Variants in PHKA1 observed in about 807,000 individuals in gnomAD.
PHKA1 encodes the protein phosphorylase kinase regulatory subunit alpha 1, also known as phosphorylase b kinase regulatory subunit alpha, skeletal muscle isoform.
PHKA1 carries 60 observed loss-of-function variants against 110.2 expected under a neutral mutation model. That is an observed-to-expected ratio of 0.54 (90% CI 0.44 to 0.68). The LOEUF (loss-of-function observed/expected upper bound fraction) is 0.68, where lower values mean the gene tolerates loss of function less well. Ranked by LOEUF, PHKA1 falls within the 30% of genes least tolerant of loss-of-function variation. The probability of loss-of-function intolerance (pLI) is 0.00; values close to 1 mark genes in which losing one functional copy is unlikely to be tolerated. For synonymous variants in PHKA1, 316 were observed against 333.6 expected (o/e 0.95, Z 0.58); for missense variants, 801 against 942.5 (o/e 0.85, Z 1.97).
chrX:72,680,542 A>G (rs1258550617), intron 5 of PHKA1, among the ~76,000 whole-genome samples: 1 of 113,053 alleles, frequency 8.8e-6, no homozygotes, highest in Non-Finnish European at 1.9e-5. Context: ...AGGCATACAA[A>G]AGCTGAAATA....
rs1603251632 is a variant in PHKA1 at position 72,593,006 on chromosome X, A to G, written c.3243+98T>C. ...TGTCTATCTGAGTTATGACTTTTAC[A>G]TAATTGCAGTGATTATATTAGTCAT... On this transcript the variant is annotated intron_variant, in intron 29 of 31. Coordinates refer to ENST00000373542, the MANE Select transcript of PHKA1 (RefSeq NM_002637.4). 6 of 575,556 alleles carry G rather than the reference A, an allele frequency of 1.0e-5. No individual in the cohort carries two copies. In the East Asian group the frequency reaches 1.6e-4, roughly 16 times the overall value. The allele number at this position is 575,556 out of a possible 1,213,427, so 47.4% of individuals were successfully genotyped here. A position where few individuals can be genotyped will look rare whatever the true frequency, so the allele number is the denominator to read the frequency against.
chrX:72,675,948 C>T lies in PHKA1; in HGVS notation c.618+122G>A, dbSNP rs1556311600. The T allele has an allele frequency of 2.6e-5, 14 of 539,104 alleles. No individual in the cohort carries two copies. The South Asian group carries it at 3.5e-4, about 13-fold the overall frequency. The allele number at this position is 539,104 out of a possible 1,213,427, so 44.4% of individuals were successfully genotyped here. On this transcript the variant is annotated intron_variant, in intron 6 of 31. Transcript: ENST00000373542. ...GTTCTACAGGAGAATCTGAATGTTG[C>T]CTGTGGTTTAAAATAATAATTAATT...
rs2054430643 is a variant in PHKA1, at chrX:72,714,293, C to G, written c.-413G>C. ...TGCGCCGCCTCCACCTTGCGGGAGACGCGAGCGGGAGGCGGGGCGGGCGCG... is the reference window on the plus strand; with the variant it reads ...TGCGCCGCCTCCACCTTGCGGGAGAGGCGAGCGGGAGGCGGGGCGGGCGCG... On this transcript the variant is annotated 5_prime_UTR_variant, in exon 1 of 32. Coordinates refer to ENST00000373542, the MANE Select transcript of PHKA1 (RefSeq NM_002637.4). 2 of 131,621 alleles carry G rather than the reference C, an allele frequency of 1.5e-5. No homozygotes were observed. Among genetic ancestry groups the G allele is most frequent in the Admixed American group, 1.8e-4 (2 of 11,387 alleles). 10.8% of individuals were successfully genotyped at this position (131,621 alleles called of 1,213,427 possible). A position where few individuals can be genotyped will look rare whatever the true frequency, so the allele number is the denominator to read the frequency against.
chrX:72,581,109 A>G lies in PHKA1; in HGVS notation c.3565T>C (p.Tyr1189His). The G allele has an allele frequency of 2.5e-6, 3 of 1,189,673 alleles. No homozygotes were observed. Among genetic ancestry groups the G allele is most frequent in the Non-Finnish European group, 3.4e-6 (3 of 875,426 alleles). Reference protein sequence around the residue: ...DPASGICTLLYDSAPSGRFGT... With the variant: ...DPASGICTLLHDSAPSGRFGT... ...AACCTGCCACTGGGTGCACTGTCAT[A>G]CAGAAGAGTACAGATGCCAGATGCG... The change falls in exon 32 of 32, where the codon TAT becomes CAT. Residue 1189 changes from tyrosine (Y) to histidine (H), a missense_variant. Physicochemically the swap from Tyr to His is moderately conservative, Grantham distance 83. This residue lies in a region of PHKA1 where 502 missense variants were observed against 519.2 expected (regional missense o/e 0.97). Coordinates refer to ENST00000373542, the MANE Select transcript of PHKA1 (RefSeq NM_002637.4).
In PHKA1 at chrX:72,695,856, G is replaced by T. The variant is rs1352636921; in HGVS notation, c.306C>A (p.Phe102Leu). The T allele has an allele frequency of 3.3e-6, 4 of 1,205,905 alleles. No individual in the cohort carries two copies. The highest frequency in any genetic ancestry group is 4.5e-6 in the Non-Finnish European group (4 of 891,801). ...TATCCTTAGTACTCTGACTATATTTGAAGGATTCTACTTTATCCACCTGAA... is the reference window on the plus strand; with the variant it reads ...TATCCTTAGTACTCTGACTATATTTTAAGGATTCTACTTTATCCACCTGAA... ...MIRQVDKVES[F>L]KYSQSTKDSL... Residue 102 changes from phenylalanine (F) to leucine (L), a missense_variant, in exon 4 of 32, where the codon TTC becomes TTA. By Grantham distance (22) the Phe-to-Leu change is conservative. Around this residue, in one of 2 missense-constraint regions of PHKA1, gnomAD observed 299 missense variants for 423.3 expected, o/e 0.71. Transcript: ENST00000373542.
At chrX:72,581,273 C>T (rs1556201486) in intron 31 of PHKA1, 98 bp from the exon 32 acceptor site, 1 of 573,400 alleles carries the variant, frequency 1.7e-6, no homozygotes, top group Non-Finnish European at 3.1e-6. Context: ...ACCTCCTCCC[C>T]AACACCAATT....
intron 2 of PHKA1, chrX:72,712,073 A>G (rs1556335041): frequency 5.3e-5 from 6 of 112,546 alleles, no homozygotes. Flanking sequence ...TATAACTGAC[A>G]ACAGAGTACT....
Position 72,629,601 on chromosome X carries a change from G to T in PHKA1, c.1715-2552C>A, listed in dbSNP as rs188163255. 3.1e-3 allele frequency among the ~76,000 whole-genome samples: 347 copies of T among 111,596 alleles called. 1 individual carries two copies. Among genetic ancestry groups the T allele is most frequent in the African/African-American group, 0.011 (337 of 30,728 alleles). On this transcript the variant is annotated intron_variant, in intron 16 of 31. Coordinates refer to ENST00000373542, the MANE Select transcript of PHKA1 (RefSeq NM_002637.4). ...TTTCTTTTCAGTCTACGTATATTGTGATATTTGAACTGATGTATTTAGGCT... is the reference window on the plus strand; with the variant it reads ...TTTCTTTTCAGTCTACGTATATTGTTATATTTGAACTGATGTATTTAGGCT...
In PHKA1 at chrX:72,647,802, G is replaced by A. The variant is rs1239469852; in HGVS notation, c.1324+2588C>T. On this transcript the variant is annotated intron_variant, in intron 13 of 31. Coordinates refer to ENST00000373542, the MANE Select transcript of PHKA1 (RefSeq NM_002637.4). The stretch of plus-strand genomic sequence containing the variant: ...AATATTTATATAAGCAAGAGCAGTG[G>A]GCTAAGGACAGAATTCTCATAAATA... 5.4e-5 allele frequency among the ~76,000 whole-genome samples: 6 copies of A among 111,180 alleles called. No individual in the cohort carries two copies. The Admixed American group carries it at 5.7e-4, about 11-fold the overall frequency.
intron 6 of PHKA1, among the ~76,000 whole-genome samples, chrX:72,668,786 C>T (rs1556307494): frequency 9.0e-6 from 1 of 111,634 alleles, no homozygotes; most frequent in Non-Finnish European, 1.9e-5. Context: ...ATTCTAACCC[C>T]ATAGCCTCAA....
rs191937898 is a variant in PHKA1 at position 72,637,271 on chromosome X, T to A, written c.1460-885A>T. On this transcript the variant is annotated intron_variant, in intron 14 of 31. Transcript: ENST00000373542. Reference sequence around the variant, plus strand: ...CTGTTCTACTTTGTATCTCTATGAATTCGGTATCTCATATAAATGGAATAA... The same window carrying A: ...CTGTTCTACTTTGTATCTCTATGAAATCGGTATCTCATATAAATGGAATAA... Among the ~76,000 whole-genome samples, 341 of 112,071 alleles carry A rather than the reference T, an allele frequency of 3.0e-3. 1 individual carries two copies. The highest frequency in any genetic ancestry group is 0.011 in the African/African-American group (333 of 30,889).
intron 7 of PHKA1, 93 bp from the exon 8 acceptor site, chrX:72,666,390 TA>T: frequency 1.3e-6 from 1 of 758,836 alleles, no homozygotes. Context: ...CACTTTTGAA[TA>T]TGTTTGACAA....
Position 72,644,484 on chromosome X carries a change from G to A in PHKA1, c.1337C>T (p.Ala446Val). Residue 446 changes from alanine to valine, a missense_variant, in exon 14 of 32, where the codon GCT (alanine) becomes GTT (valine). Transcript: ENST00000373542. The part of the protein sequence containing the change: ...PDVVVQVSIL[A>V]ETEEIKTILK... ...AATGGTCTTGATTTCTTCTGTTTCA[G>A]CTAGAATGGAGACTAGAGGAGACAA... 1 of 1,208,751 alleles carries A rather than the reference G, an allele frequency of 8.3e-7. No homozygotes were observed. The highest frequency in any genetic ancestry group is 1.8e-5 in the South Asian group (1 of 56,607).
intron 13 of PHKA1, among the ~76,000 whole-genome samples, chrX:72,645,116 T>C (rs1556296811): frequency 8.9e-6 from 1 of 111,878 alleles, no homozygotes; most frequent in African/African-American, 3.2e-5. Context: ...CTTCCTCTTA[T>C]ACTCCTGTCA....
chrX:72,697,603 G>C (rs1205690024), intron 3 of PHKA1, among the ~76,000 whole-genome samples: 2 of 105,371 alleles, frequency 1.9e-5, no homozygotes, highest in African/African-American at 7.0e-5. Context: ...ACTGAATTCT[G>C]TTTTCACCTG....
chrX:72,591,510 T>C lies in PHKA1; in HGVS notation c.3243+1594A>G, dbSNP rs1202511810. ...GGCCAGCATGGCACATGTATACCTA[T>C]GTAACGAGCTTGCACATTGTGCTCA... On this transcript the variant is annotated intron_variant, in intron 29 of 31. Transcript: ENST00000373542. 2.7e-5 allele frequency among the ~76,000 whole-genome samples: 3 copies of C among 110,976 alleles called. No homozygotes were observed. The South Asian group carries it at 1.2e-3, about 43-fold the overall frequency.
chrX:72,681,398 G>T lies in PHKA1; in HGVS notation c.537+3100C>A, dbSNP rs1191248969. 1.8e-3 allele frequency among the ~76,000 whole-genome samples: 203 copies of T among 113,449 alleles called. 1 individual carries two copies. The highest frequency in any genetic ancestry group is 6.2e-3 in the African/African-American group (194 of 31,316). On this transcript the variant is annotated intron_variant, in intron 5 of 31. Coordinates refer to ENST00000373542, the MANE Select transcript of PHKA1 (RefSeq NM_002637.4). ...CACCCCATCTGGGAGGGAGGTGGGG[G>T]GGGGTCAGCCCCCCGCCCGGCCAGC...
chrX:72,680,145 C>T (rs2053829867), intron 5 of PHKA1, among the ~76,000 whole-genome samples: 1 of 110,537 alleles, frequency 9.0e-6, no homozygotes, highest in Non-Finnish European at 1.9e-5. Context: ...CTCCCAAGTA[C>T]CTGGGATTAC....
At chrX:72,697,687 T>C (rs2054144233) in intron 3 of PHKA1, among the ~76,000 whole-genome samples, 1 of 110,650 alleles carries the variant, frequency 9.0e-6, no homozygotes, top group Admixed American at 9.6e-5. Context: ...GAAATGTCTT[T>C]GTTTAAAAAA....
Sources: gnomAD v4.1 joint callset for allele counts (sites outside exome capture counted in the v4.1 genomes callset) on GRCh38, gnomAD v4.1.1 for gene constraint, gnomAD v4.1.1 regional missense constraint, MANE v1.5 for transcripts, NCBI Gene and HGNC (gene_info 2026-07-23, HGNC 2026-07-21) for gene names.